Variants in HNRNPC observed in about 807,000 individuals in gnomAD.
HNRNPC encodes heterogeneous nuclear ribonucleoproteins C1/C2.
Under a neutral mutation model 33.2 loss-of-function variants are expected in HNRNPC, and 3 were observed. That is an observed-to-expected ratio of 0.09 (90% confidence interval 0.04 to 0.23). The LOEUF is 0.23. Ranked by LOEUF, HNRNPC falls within the 10% of genes least tolerant of loss-of-function variation. HNRNPC has a pLI of 1.00. For synonymous variants in HNRNPC, 121 were observed against 126.7 expected (o/e 0.96, Z 0.30); for missense variants, 143 against 366.7 (o/e 0.39, Z 4.98).
At chr14:21,224,260 A>G (rs534727257) in intron 5 of HNRNPC, among the ~76,000 whole-genome samples, 2 of 152,292 alleles carry the variant, frequency 1.3e-5, no homozygotes, top group East Asian at 1.9e-4. Context: ...AATTAGGGAT[A>G]TTAACTATTA....
chr14:21,264,359 AG>A (rs1171803479), intron 1 of HNRNPC: 1 of 152,178 alleles, frequency 6.6e-6, no homozygotes, highest in Non-Finnish European at 1.5e-5. Flanking sequence ...TTCTACTGTT[AG>A]GGGAAAAGAT....
At chr14:21,243,913 T>C (rs1055209432) in intron 2 of HNRNPC, among the ~76,000 whole-genome samples, 1 of 152,184 alleles carries the variant, frequency 6.6e-6, no homozygotes, top group African/African-American at 2.4e-5. Context: ...CATATATATA[T>C]ACCTGTAGCT....
At chr14:21,221,725 G>A (rs756418415) in intron 5 of HNRNPC, among the ~76,000 whole-genome samples, 37 of 152,090 alleles carry the variant, frequency 2.4e-4, no homozygotes, top group Non-Finnish European at 4.4e-4. Context: ...ACAAAAATGG[G>A]TAATAATCTG....
intron 3 of HNRNPC, among the ~76,000 whole-genome samples, chr14:21,232,287 T>C (rs1894199914): frequency 6.6e-6 from 1 of 152,208 alleles, no homozygotes. Flanking sequence ...TCCATTTTCA[T>C]ATATACTGCT....
chr14:21,263,044 C>G (rs1011192161), intron 2 of HNRNPC: 3 of 151,890 alleles, frequency 2.0e-5, no homozygotes, highest in Admixed American at 1.3e-4. Context: ...TTTACGTGAT[C>G]AAACCACTTA....
chr14:21,216,597 TACTC>T (rs1892219523), intron 5 of HNRNPC, among the ~76,000 whole-genome samples: 1 of 152,110 alleles, frequency 6.6e-6, no homozygotes, highest in South Asian at 2.1e-4. Flanking sequence ...TAATCTCAGG[TACTC>T]CGGGGGCTGA....
At chr14:21,250,876 ACT>A (rs1025935343) in intron 2 of HNRNPC, among the ~76,000 whole-genome samples, 12 of 152,154 alleles carry the variant, frequency 7.9e-5, no homozygotes, top group African/African-American at 2.7e-4. Flanking sequence ...GTAGGGTGAG[ACT>A]CTATTCCTAG....
chr14:21,253,837 G>A (rs529096543), intron 2 of HNRNPC, among the ~76,000 whole-genome samples: 14 of 151,950 alleles, frequency 9.2e-5, no homozygotes, highest in East Asian at 1.9e-4. Context: ...AGGCTAAGGC[G>A]GGCAGATCAC....
chr14:21,236,264 A>G (rs1894687045), intron 2 of HNRNPC: 1 of 152,154 alleles, frequency 6.6e-6, no homozygotes, highest in Non-Finnish European at 1.5e-5. Flanking sequence ...CATTTTCTTT[A>G]TGGTCTGGTT....
chr14:21,246,871 T>C (rs1254674909), intron 2 of HNRNPC, among the ~76,000 whole-genome samples: 1 of 152,230 alleles, frequency 6.6e-6, no homozygotes, highest in Non-Finnish European at 1.5e-5. Flanking sequence ...TGTGATGATT[T>C]ACTTCTACTT....
intron 2 of HNRNPC, among the ~76,000 whole-genome samples, chr14:21,244,411 A>G (rs1214333647): frequency 6.6e-6 from 1 of 152,258 alleles, no homozygotes; most frequent in Non-Finnish European, 1.5e-5. Context: ...CGATGTAAAA[A>G]ACTAATTCAT....
intron 5 of HNRNPC, among the ~76,000 whole-genome samples, chr14:21,229,794 G>A (rs1162284439): frequency 6.6e-6 from 1 of 152,114 alleles, no homozygotes; most frequent in Admixed American, 6.6e-5. Context: ...AAGACAAATA[G>A]TATATAAAGT....
chr14:21,215,468 T>C (rs1892055221), intron 5 of HNRNPC, among the ~76,000 whole-genome samples: 2 of 152,164 alleles, frequency 1.3e-5, no homozygotes, highest in African/African-American at 4.8e-5. Context: ...GTTTAAAATC[T>C]TTTACCAGGG....
intron 2 of HNRNPC, among the ~76,000 whole-genome samples, chr14:21,258,793 T>C (rs1043069742): frequency 2.0e-5 from 3 of 152,182 alleles, no homozygotes; most frequent in African/African-American, 4.8e-5. Context: ...CTCAGACTGA[T>C]TTTGCTCATT....
In HNRNPC at chr14:21,254,932, A is replaced by C. The variant is rs917155731; in HGVS notation, c.-37+8379T>G. ...GCGAGACTCTAGTCTCAAAAAAAAAACAAAAAAAAAAACCAGAAAAACTCC... is the reference window on the plus strand; with the variant it reads ...GCGAGACTCTAGTCTCAAAAAAAAACCAAAAAAAAAAACCAGAAAAACTCC... On this transcript the variant is annotated intron_variant, in intron 2 of 8. Coordinates refer to ENST00000553300, the MANE Select transcript of HNRNPC (RefSeq NM_004500.4). Among the ~76,000 whole-genome samples the C allele has an allele frequency of 7.4e-5, 11 of 148,314 alleles. No homozygotes were observed. In the East Asian group the frequency reaches 7.7e-4, roughly 10 times the overall value.
intron 2 of HNRNPC, among the ~76,000 whole-genome samples, chr14:21,250,870 G>C (rs1467335025): frequency 6.6e-6 from 1 of 152,120 alleles, no homozygotes; most frequent in African/African-American, 2.4e-5. Flanking sequence ...ACTGGGGTAG[G>C]GTGAGACTCT....
At chr14:21,223,375 A>T (rs1259752865) in intron 5 of HNRNPC, among the ~76,000 whole-genome samples, 1 of 152,150 alleles carries the variant, frequency 6.6e-6, no homozygotes, top group Non-Finnish European at 1.5e-5. Flanking sequence ...CTACAAAGAA[A>T]TATCTCCCAC....
chr14:21,251,260 CA>C (rs71419116), intron 2 of HNRNPC, among the ~76,000 whole-genome samples: 697 of 49,422 alleles, frequency 0.014, 1 homozygote, highest in African/African-American at 0.039. Context: ...GACTCCCTCT[CA>C]AAAAAAAAAA....
chr14:21,246,201 A>C (rs375273978), intron 2 of HNRNPC, among the ~76,000 whole-genome samples: 1 of 152,110 alleles, frequency 6.6e-6, no homozygotes, highest in Non-Finnish European at 1.5e-5. Context: ...ACACGGCTCT[A>C]TATTTTTCTT....
Sources: allele counts gnomAD v4.1 joint callset (sites outside exome capture counted in the v4.1 genomes callset), GRCh38; gene constraint gnomAD v4.1.1; transcripts MANE v1.5; gene names NCBI Gene and HGNC (gene_info 2026-07-23, HGNC 2026-07-21).